IGF2BP3: variants seen among roughly 807,000 people sequenced by gnomAD.
The protein encoded by IGF2BP3 is insulin like growth factor 2 mRNA binding protein 3.
A neutral mutation model predicts 73.8 loss-of-function variants in IGF2BP3; 9 were observed. The ratio of observed to expected loss-of-function variants is 0.12; its 90% confidence interval spans 0.07 to 0.21. IGF2BP3 has a LOEUF of 0.21. Ranked by LOEUF, IGF2BP3 falls within the 10% of genes least tolerant of loss-of-function variation. IGF2BP3 has a pLI of 1.00. For synonymous variants in IGF2BP3, 258 were observed against 256.7 expected (o/e 1.01, Z -0.05); for missense variants, 542 against 714.0 (o/e 0.76, Z 2.75).
chr7:23,395,290 G>A (rs2128522831), intron 3 of IGF2BP3, among the ~76,000 whole-genome samples: 1 of 152,036 alleles, frequency 6.6e-6, no homozygotes, highest in South Asian at 2.1e-4. Context: ...CAAGTAACCA[G>A]ATCAAGATAA....
At chr7:23,397,269 A>G (rs1363070992) in intron 3 of IGF2BP3, among the ~76,000 whole-genome samples, 2 of 152,210 alleles carry the variant, frequency 1.3e-5, no homozygotes, top group Non-Finnish European at 2.9e-5. Context: ...CATAGTAGGC[A>G]CTCTGATAAA....
chr7:23,393,848 G>C (rs1466850891), intron 3 of IGF2BP3, among the ~76,000 whole-genome samples: 1 of 152,166 alleles, frequency 6.6e-6, no homozygotes, highest in Admixed American at 6.5e-5. Flanking sequence ...GTCTCTCCTT[G>C]AGAGTCCCTC....
intron 12 of IGF2BP3, 28 bp from the exon 13 acceptor site, chr7:23,313,681 G>A (rs767282557): frequency 6.2e-7 from 1 of 1,606,982 alleles, no homozygotes; most frequent in African/African-American, 1.3e-5. Context: ...TCCTATTAGT[G>A]TCATTCATGT....
chr7:23,435,913 A>G (rs1364818375), intron 2 of IGF2BP3, among the ~76,000 whole-genome samples: 1 of 151,388 alleles, frequency 6.6e-6, no homozygotes, highest in Non-Finnish European at 1.5e-5. Flanking sequence ...GTGTGCCACC[A>G]TGCCTGGCTA....
chr7:23,360,517 G>A (rs900267603), intron 5 of IGF2BP3, among the ~76,000 whole-genome samples: 2 of 152,172 alleles, frequency 1.3e-5, no homozygotes, highest in Admixed American at 6.5e-5. Context: ...TGTACTATGT[G>A]CATCTTCAAA....
At chr7:23,329,132 G>C (rs931112517) in intron 10 of IGF2BP3, among the ~76,000 whole-genome samples, 7 of 151,790 alleles carry the variant, frequency 4.6e-5, no homozygotes, top group Non-Finnish European at 8.8e-5. Flanking sequence ...AGAATGGCAT[G>C]AACCCGGAAG....
intron 3 of IGF2BP3, among the ~76,000 whole-genome samples, chr7:23,379,790 G>A (rs1455704817): frequency 2.0e-5 from 3 of 152,106 alleles, no homozygotes; most frequent in South Asian, 2.1e-4. Context: ...TCTGCAACTC[G>A]CCACTCCCAG....
At chr7:23,426,561 G>C (rs1209813551) in intron 2 of IGF2BP3, among the ~76,000 whole-genome samples, 1 of 152,038 alleles carries the variant, frequency 6.6e-6, no homozygotes, top group African/African-American at 2.4e-5. Flanking sequence ...AACTTATTTG[G>C]ATAAAAAACC....
chr7:23,467,536 C>A (rs1788595213), intron 2 of IGF2BP3, among the ~76,000 whole-genome samples: 1 of 152,184 alleles, frequency 6.6e-6, no homozygotes, highest in Non-Finnish European at 1.5e-5. Context: ...GGGAGCAGTG[C>A]CTTTCCAATT....
intron 2 of IGF2BP3, among the ~76,000 whole-genome samples, chr7:23,436,486 T>C (rs1400674957): frequency 1.3e-5 from 2 of 152,222 alleles, no homozygotes; most frequent in Admixed American, 6.5e-5. Context: ...GTGGTACTTT[T>C]AAAATTTCCA....
Position 23,443,020 on chromosome 7 carries a change from AAATATT to A in IGF2BP3, c.237-24202_237-24197del, listed in dbSNP as rs1486553065. 4.6e-4 allele frequency among the ~76,000 whole-genome samples: 70 copies of A among 152,136 alleles called. 1 individual carries two copies. The highest frequency in any genetic ancestry group is 1.7e-3 in the African/African-American group (69 of 41,534). Reference sequence around the variant, plus strand: ...TTATTAAACTTATTTTGAAAAAGTTAAATATTAATACTGAAACACAAATCGTCCACA... The same window carrying A: ...TTATTAAACTTATTTTGAAAAAGTTAAATACTGAAACACAAATCGTCCACA... On this transcript the variant is annotated intron_variant, in intron 2 of 14. Coordinates refer to ENST00000258729, the MANE Select transcript of IGF2BP3 (RefSeq NM_006547.3).
chr7:23,400,145 A>C (rs1001888392), intron 3 of IGF2BP3, among the ~76,000 whole-genome samples: 5 of 152,360 alleles, frequency 3.3e-5, no homozygotes, highest in Non-Finnish European at 5.9e-5. Flanking sequence ...TTGTTTCTCC[A>C]GGATAGTAAA....
At chr7:23,371,581 T>A (rs1785549871) in intron 3 of IGF2BP3, among the ~76,000 whole-genome samples, 1 of 152,194 alleles carries the variant, frequency 6.6e-6, no homozygotes, top group East Asian at 1.9e-4. Flanking sequence ...TGGATAACAC[T>A]CAAACCATTC....
At chr7:23,419,846 C>G (rs1411485313) in intron 2 of IGF2BP3, among the ~76,000 whole-genome samples, 1 of 152,070 alleles carries the variant, frequency 6.6e-6, no homozygotes, top group East Asian at 1.9e-4. Context: ...GAGCGAGACT[C>G]CATCTCAAAA....
intron 12 of IGF2BP3, among the ~76,000 whole-genome samples, 171 bp from the exon 13 acceptor site, chr7:23,313,824 T>C (rs577254955): frequency 1.3e-5 from 2 of 152,326 alleles, no homozygotes; most frequent in African/African-American, 4.8e-5. Context: ...TCCTAAAAGG[T>C]TGACAATAAC....
At chr7:23,431,625 GAGGA>G (rs1426985434) in intron 2 of IGF2BP3, among the ~76,000 whole-genome samples, 1 of 151,046 alleles carries the variant, frequency 6.6e-6, no homozygotes, top group African/African-American at 2.5e-5. Flanking sequence ...AACTGAACAG[GAGGA>G]AGGAAGGGGG....
chr7:23,429,489 C>T (rs1343881137), intron 2 of IGF2BP3, among the ~76,000 whole-genome samples: 1 of 152,140 alleles, frequency 6.6e-6, no homozygotes, highest in African/African-American at 2.4e-5. Context: ...ATACTCTAGT[C>T]GGTCTTACTG....
intron 10 of IGF2BP3, among the ~76,000 whole-genome samples, chr7:23,340,268 G>C (rs1784675394): frequency 6.6e-6 from 1 of 152,038 alleles, no homozygotes; most frequent in African/African-American, 2.4e-5. Context: ...TCTGTTACAT[G>C]ATTTCCAGGC....
At chr7:23,323,018 G>A (rs767484483) in intron 10 of IGF2BP3, among the ~76,000 whole-genome samples, 5 of 152,046 alleles carry the variant, frequency 3.3e-5, no homozygotes, top group African/African-American at 7.2e-5. Context: ...ATGAACTAAC[G>A]AGCAAAATAA....
Sources: gnomAD v4.1 joint callset for allele counts (sites outside exome capture counted in the v4.1 genomes callset) on GRCh38, gnomAD v4.1.1 for gene constraint, MANE v1.5 for transcripts, NCBI Gene and HGNC (gene_info 2026-07-23, HGNC 2026-07-21) for gene names.